The following ZFYVE26 variants were observed in gnomAD, a reference collection of about 807,000 sequenced individuals.
ZFYVE26 encodes zinc finger FYVE-type containing 26, also known as zinc finger FYVE domain-containing protein 26.
ZFYVE26 carries 181 observed loss-of-function variants against 276.5 expected under a neutral mutation model. That is an observed-to-expected ratio of 0.65 (90% CI 0.58 to 0.74). The LOEUF is 0.74. Ranked by LOEUF, ZFYVE26 falls within the 30% of genes least tolerant of loss-of-function variation. ZFYVE26 has a pLI of 0.00. For missense variants in ZFYVE26, 2,821 were observed against 3,097.9 expected, an observed-to-expected ratio of 0.91 and a Z score of 2.12; for synonymous variants, 1,129 against 1,203.1, an observed-to-expected ratio of 0.94 and a Z score of 1.27.
intron 23 of ZFYVE26, among the ~76,000 whole-genome samples, chr14:67,780,028 C>T (rs1196278400): frequency 2.6e-5 from 4 of 152,088 alleles, no homozygotes; most frequent in East Asian, 1.9e-4. Flanking sequence ...CCCGCCACCA[C>T]GCCTAGCTAA....
chr14:67,787,186 A>C (rs964919942), intron 16 of ZFYVE26, among the ~76,000 whole-genome samples: 2 of 152,060 alleles, frequency 1.3e-5, no homozygotes, highest in African/African-American at 4.8e-5. Context: ...TCTACTAAAG[A>C]TACAAAAATT....
chr14:67,766,267 C>T lies in ZFYVE26; in HGVS notation c.5971G>A (p.Val1991Ile), dbSNP rs758072287. 42 of 1,613,962 alleles carry T rather than the reference C, an allele frequency of 2.6e-5. No homozygotes were observed. Among genetic ancestry groups the T allele is most frequent in the Admixed American group, 1.5e-4 (9 of 60,010 alleles). The change falls in exon 32 of 42, where the codon GTC (valine) becomes ATC (isoleucine). Residue 1991 changes from valine to isoleucine, a missense_variant. By Grantham distance (29) the Val-to-Ile change is conservative. Transcript: ENST00000347230. ...AAGTCTTGGCTCTGGCCGGCTTTGA[C>T]GAACATCATCTTGGCGCTGAACAGC... ...QLLFSAKMMF[V>I]KAGQSQDLAL...
rs1393839103 is a variant in ZFYVE26 at position 67,798,358 on chromosome 14, A to T, written c.1904T>A (p.Leu635Gln). 6.2e-7 allele frequency: 1 copy of T among 1,609,972 alleles called. No homozygotes were observed. Among genetic ancestry groups the T allele is most frequent in the Non-Finnish European group, 8.5e-7 (1 of 1,177,644 alleles). Reference sequence around the variant, plus strand: ...ATAAGCAAGGGTCTTTGGGACTCCCAGGGAACCCCGTTCTGACTTCCTTTC... The same window carrying T: ...ATAAGCAAGGGTCTTTGGGACTCCCTGGGAACCCCGTTCTGACTTCCTTTC... The part of the protein sequence containing the change: ...HPERKSERGS[L>Q]GVPKTLAYTM... The change falls in exon 11 of 42, where the codon CTG (leucine) becomes CAG (glutamine). Residue 635 changes from leucine to glutamine, a missense_variant. Physicochemically the swap from Leu to Gln is moderately radical, Grantham distance 113 (BLOSUM62 -2). Transcript: ENST00000347230.
intron 41 of ZFYVE26, chr14:67,750,409 C>G (rs1160147425): frequency 6.5e-6 from 1 of 154,804 alleles, no homozygotes; most frequent in Non-Finnish European, 1.4e-5. Flanking sequence ...CTTTCTCATG[C>G]CCCTCCTGGC....
intron 29 of ZFYVE26, 33 bp downstream of exon 29, chr14:67,769,561 A>G (rs2039149509): frequency 6.2e-7 from 1 of 1,610,314 alleles, no homozygotes; most frequent in African/African-American, 1.4e-5. Flanking sequence ...GCAGCGGTCA[A>G]TAATAGCAAC....
chr14:67,803,977 G>C, intron 9 of ZFYVE26, 124 bp downstream of exon 9: 1 of 1,303,500 alleles, frequency 7.7e-7, no homozygotes, highest in Non-Finnish European at 1.1e-6. Flanking sequence ...TCATTTAGAG[G>C]AGACCTCCTC....
At chr14:67,756,283 A>G in intron 35 of ZFYVE26, 138 bp from the exon 36 acceptor site, 1 of 906,342 alleles carries the variant, frequency 1.1e-6, no homozygotes, top group Non-Finnish European at 1.8e-6. Flanking sequence ...TATGTGTCAC[A>G]GATACCTTTG....
In ZFYVE26 at chr14:67,762,334, T is replaced by C. The variant is rs761096414; in HGVS notation, c.6238A>G (p.Thr2080Ala). ...GMACLKAGNL[T>A]AAREKFSRCL... ...CGACTGAACTTCTCCCGTGCAGCAGTGAGGTTCCCGGCTTTGAGGCAGGCC... is the reference window on the plus strand; with the variant it reads ...CGACTGAACTTCTCCCGTGCAGCAGCGAGGTTCCCGGCTTTGAGGCAGGCC... The change falls in exon 34 of 42, where the codon ACT (threonine) becomes GCT (alanine). Residue 2080 changes from threonine (T) to alanine (A), a missense_variant. By Grantham distance (58) the Thr-to-Ala change is moderately conservative. Transcript: ENST00000347230. The C allele has an allele frequency of 1.9e-6, 3 of 1,614,068 alleles. No individual in the cohort carries two copies. Among genetic ancestry groups the C allele is most frequent in the East Asian group, 2.2e-5 (1 of 44,900 alleles).
intron 13 of ZFYVE26, among the ~76,000 whole-genome samples, chr14:67,732,113 T>G (rs113548338): frequency 0.018 from 2,330 of 131,988 alleles, 76 homozygotes; most frequent in African/African-American, 0.064. Context: ...GGCGACAGAA[T>G]GAGACTCTGT....
chr14:67,807,881 CG>C lies in ZFYVE26; in HGVS notation c.402del (p.His134GlnfsTer28). 1 of 1,614,048 alleles carries C rather than the reference CG, an allele frequency of 6.2e-7. No individual in the cohort carries two copies. ...TCCCTCCTTGGATTTCCGTCAGGCA[CG>C]TGGCCTACTGCACCCTGTGTTAAGG... ...YETLTQGAVG[H>X]VPDGNPRRES... is the part of the protein sequence containing the mutation. On this transcript the variant is annotated frameshift_variant, in exon 5 of 42. Coordinates refer to ENST00000347230, the MANE Select transcript of ZFYVE26 (RefSeq NM_015346.4). LOFTEE classifies it high-confidence loss of function.
chr14:67,753,818 C>T, intron 38 of ZFYVE26, 52 bp from the exon 39 acceptor site: 1 of 1,595,732 alleles, frequency 6.3e-7, no homozygotes, highest in East Asian at 2.2e-5. Context: ...CTAGAGAATA[C>T]TCTTGACCAA....
At chr14:67,771,836 ATTTATGGC>A (rs2039217405) in intron 28 of ZFYVE26, among the ~76,000 whole-genome samples, 1 of 152,206 alleles carries the variant, frequency 6.6e-6, no homozygotes, top group African/African-American at 2.4e-5. Context: ...AGATTTTAGA[ATTTATGGC>A]TGTTTGAGGG....
chr14:67,744,739 G>A (rs1435999992), downstream of ZFYVE26, among the ~76,000 whole-genome samples: 1 of 152,178 alleles, frequency 6.6e-6, no homozygotes, highest in Non-Finnish European at 1.5e-5. Flanking sequence ...CAAAGGACAT[G>A]AACTCATTCT....
chr14:67,807,099 G>A (rs905898006), intron 5 of ZFYVE26, among the ~76,000 whole-genome samples: 7 of 151,990 alleles, frequency 4.6e-5, no homozygotes, highest in Non-Finnish European at 7.4e-5. Flanking sequence ...GTGCCATCAC[G>A]CCTAGCTAAT....
At chr14:67,787,092 A>T (rs1343039226) in intron 16 of ZFYVE26, among the ~76,000 whole-genome samples, 1 of 152,152 alleles carries the variant, frequency 6.6e-6, no homozygotes, top group Non-Finnish European at 1.5e-5. Flanking sequence ...AGTATAAAAA[A>T]TAGTTAGAGG....
intron 13 of ZFYVE26, among the ~76,000 whole-genome samples, chr14:67,736,270 T>A (rs1304327108): frequency 6.6e-6 from 1 of 152,250 alleles, no homozygotes. Flanking sequence ...AAATGCTCAC[T>A]GTGAAGCATT....
chr14:67,732,934 AC>A (rs2038302760), intron 13 of ZFYVE26, among the ~76,000 whole-genome samples: 1 of 151,996 alleles, frequency 6.6e-6, no homozygotes, highest in African/African-American at 2.4e-5. Context: ...GTTTTACAGG[AC>A]TTTTATAATT....
rs2140242816 is a variant in ZFYVE26, at chr14:67,798,181, T to C, written c.2081A>G (p.Glu694Gly). The change falls in exon 11 of 42, where the codon GAG (glutamate) becomes GGG (glycine). Residue 694 changes from glutamate to glycine, a missense_variant. Coordinates refer to ENST00000347230, the MANE Select transcript of ZFYVE26 (RefSeq NM_015346.4). ...AIGAFLRLLQ[E>G]QLDEISSRSP... ...GCGGCTACTGATCTCATCCAGTTGC[T>C]CTTGGAGAAGCCTGAGGAAGGCCCC... 1 of 1,614,178 alleles carries C rather than the reference T, an allele frequency of 6.2e-7. No individual in the cohort carries two copies. The highest frequency in any genetic ancestry group is 2.2e-5 in the East Asian group (1 of 44,890).
At position 67,766,398 on chromosome 14, in the gene ZFYVE26, C is replaced by T. The variant is rs1169183018; in HGVS notation, c.5840G>A (p.Ser1947Asn). Reference protein sequence around the residue: ...CIAILNLHRDSIACGHQLIEH... With the variant: ...CIAILNLHRDNIACGHQLIEH... Reference sequence around the variant, plus strand: ...AATCAGCTGGTGACCACAGGCAATGCTGTCCCGGTGCAGATTCAGGATGGC... The same window carrying T: ...AATCAGCTGGTGACCACAGGCAATGTTGTCCCGGTGCAGATTCAGGATGGC... The change falls in exon 32 of 42, where the codon AGC (serine) becomes AAC (asparagine). Residue 1947 changes from serine (S) to asparagine (N), a missense_variant. Physicochemically the swap from Ser to Asn is conservative, Grantham distance 46. Coordinates refer to ENST00000347230, the MANE Select transcript of ZFYVE26 (RefSeq NM_015346.4). The T allele has an allele frequency of 4.3e-6, 7 of 1,612,572 alleles. 1 individual carries two copies. The South Asian group carries it at 6.6e-5, about 15-fold the overall frequency.
Sources: allele counts gnomAD v4.1 joint callset (sites outside exome capture counted in the v4.1 genomes callset), GRCh38; gene constraint gnomAD v4.1.1; transcripts MANE v1.5; gene names NCBI Gene and HGNC (gene_info 2026-07-23, HGNC 2026-07-21).